The following TNIK variants were observed in gnomAD, a reference collection of about 807,000 sequenced individuals.
TNIK encodes TRAF2 and NCK interacting kinase, also known as TRAF2 and NCK-interacting protein kinase.
Under a neutral mutation model 191.3 loss-of-function variants are expected in TNIK, and 49 were observed. The ratio of observed to expected loss-of-function variants is 0.26; its 90% CI spans 0.20 to 0.32. TNIK has a LOEUF of 0.32. TNIK is among the 10% of genes least tolerant of loss of function. The pLI, the probability that TNIK is intolerant of heterozygous loss-of-function variation, is 1.00. For synonymous variants in TNIK, 594 were observed against 600.9 expected (o/e 0.99, Z 0.17); for missense variants, 1,155 against 1,702.3 (o/e 0.68, Z 5.66).
chr3:171,305,904 A>G (rs1229547417), intron 2 of TNIK, among the ~76,000 whole-genome samples: 2 of 152,162 alleles, frequency 1.3e-5, no homozygotes, highest in Admixed American at 6.6e-5. Flanking sequence ...TACCATAAAG[A>G]CACATGCATG....
intron 15 of TNIK, among the ~76,000 whole-genome samples, chr3:171,130,713 T>G (rs1300936307): frequency 6.6e-6 from 1 of 152,220 alleles, no homozygotes; most frequent in African/African-American, 2.4e-5. Flanking sequence ...TATTATCCAT[T>G]TTCTTATTTT....
intron 29 of TNIK, among the ~76,000 whole-genome samples, chr3:171,070,844 T>A (rs920623584): frequency 3.3e-5 from 5 of 152,232 alleles, no homozygotes; most frequent in African/African-American, 1.2e-4. Context: ...AGTTTAACTC[T>A]GAGATTCAGT....
At chr3:171,315,226 C>T (rs1208177506) in intron 2 of TNIK, among the ~76,000 whole-genome samples, 2 of 152,102 alleles carry the variant, frequency 1.3e-5, no homozygotes, top group East Asian at 3.9e-4. Flanking sequence ...GTGACAAAAA[C>T]ACAGCTTTAT....
chr3:171,140,818 T>C (rs1730718595), intron 12 of TNIK, among the ~76,000 whole-genome samples: 1 of 152,212 alleles, frequency 6.6e-6, no homozygotes. Flanking sequence ...AAAACACCAA[T>C]GCAAAACAGG....
At chr3:171,146,371 C>A (rs1731585253) in intron 12 of TNIK, among the ~76,000 whole-genome samples, 1 of 152,104 alleles carries the variant, frequency 6.6e-6, no homozygotes, top group Non-Finnish European at 1.5e-5. Context: ...AAATCTTGGC[C>A]CTGGTCCATC....
chr3:171,240,722 A>G (rs777972054), intron 2 of TNIK, among the ~76,000 whole-genome samples: 12 of 152,156 alleles, frequency 7.9e-5, no homozygotes, highest in African/African-American at 1.9e-4. Context: ...CTCTTCTCCA[A>G]TAGTCTTTTT....
At chr3:171,156,973 G>A (rs1290369768) in intron 12 of TNIK, among the ~76,000 whole-genome samples, 1 of 152,166 alleles carries the variant, frequency 6.6e-6, no homozygotes, top group African/African-American at 2.4e-5. Context: ...TCATTCCACA[G>A]ATATTTATGA....
intron 7 of TNIK, among the ~76,000 whole-genome samples, chr3:171,184,674 G>C (rs1737137846): frequency 6.6e-6 from 1 of 152,138 alleles, no homozygotes; most frequent in South Asian, 2.1e-4. Flanking sequence ...TCTGAATATT[G>C]TCCTCTCAGG....
chr3:171,459,952 G>A (rs1729271130), intron 1 of TNIK, 55 bp downstream of exon 1: 2 of 1,503,594 alleles, frequency 1.3e-6, no homozygotes, highest in Admixed American at 1.9e-5. Flanking sequence ...CACGCACCGA[G>A]CCCATTCACC....
chr3:171,120,390 G>A (rs1218136976), intron 18 of TNIK, among the ~76,000 whole-genome samples: 1 of 145,390 alleles, frequency 6.9e-6, no homozygotes, highest in African/African-American at 2.6e-5. Context: ...GTGTGATCTC[G>A]GCTCACTGCA....
At chr3:171,112,911 A>T (rs1726065856) in intron 18 of TNIK, among the ~76,000 whole-genome samples, 1 of 152,214 alleles carries the variant, frequency 6.6e-6, no homozygotes, top group South Asian at 2.1e-4. Flanking sequence ...CCCTGTACAC[A>T]AATAGCCAAT....
At chr3:171,160,454 C>A (rs1733845109) in intron 11 of TNIK, among the ~76,000 whole-genome samples, 1 of 151,624 alleles carries the variant, frequency 6.6e-6, no homozygotes, top group Non-Finnish European at 1.5e-5. Flanking sequence ...CCTTGGATGG[C>A]TTGAGGAGGG....
At chr3:171,130,389 T>A (rs1729081329) in intron 15 of TNIK, among the ~76,000 whole-genome samples, 1 of 152,220 alleles carries the variant, frequency 6.6e-6, no homozygotes, top group African/African-American at 2.4e-5. Context: ...ACAATTGGCT[T>A]TGGTTTTGAA....
Position 171,235,459 on chromosome 3 carries a change from CCA to C in TNIK, c.124-7240_124-7239del, listed in dbSNP as rs886133476. Among the ~76,000 whole-genome samples the C allele has an allele frequency of 5.7e-4, 87 of 152,192 alleles. 1 individual carries two copies. The highest frequency in any genetic ancestry group is 1.8e-3 in the African/African-American group (75 of 41,516). ...CAACTCTTCAGCCTCTCCAAATATC[CCA>C]CTCCTCCCCACACAGCACAATAGCC... On this transcript the variant is annotated intron_variant, in intron 2 of 32. Coordinates refer to ENST00000436636, the MANE Select transcript of TNIK (RefSeq NM_015028.4).
chr3:171,202,547 T>A (rs1031161220), intron 4 of TNIK, among the ~76,000 whole-genome samples: 2 of 152,204 alleles, frequency 1.3e-5, no homozygotes, highest in Non-Finnish European at 2.9e-5. Flanking sequence ...GCAAAATAAC[T>A]TTGGGTACAT....
intron 2 of TNIK, among the ~76,000 whole-genome samples, chr3:171,282,932 T>C (rs368421066): frequency 6.6e-6 from 1 of 152,144 alleles, no homozygotes; most frequent in East Asian, 1.9e-4. Context: ...AGCAGAATGA[T>C]GTAGGAGGGC....
At chr3:171,096,542 T>G (rs1722739349) in intron 22 of TNIK, among the ~76,000 whole-genome samples, 1 of 152,168 alleles carries the variant, frequency 6.6e-6, no homozygotes, top group Non-Finnish European at 1.5e-5. Flanking sequence ...TTATAAAAGT[T>G]TCCTATGTAC....
At chr3:171,376,746 TGATAGATA>T (rs3084308) in intron 1 of TNIK, among the ~76,000 whole-genome samples, 5,110 of 148,724 alleles carry the variant, frequency 0.034, 118 homozygotes, top group Middle Eastern at 0.045. Context: ...GATAGATAGA[TGATAGATA>T]GATAGATAGA....
At chr3:171,440,477 A>C (rs1227881656) in intron 1 of TNIK, among the ~76,000 whole-genome samples, 3 of 152,230 alleles carry the variant, frequency 2.0e-5, no homozygotes, top group African/African-American at 7.2e-5. Context: ...TTGTGGGAAC[A>C]AAAGAGCTGA....
Sources: gnomAD v4.1 joint callset for allele counts (sites outside exome capture counted in the v4.1 genomes callset) on GRCh38, gnomAD v4.1.1 for gene constraint, MANE v1.5 for transcripts, NCBI Gene and HGNC (gene_info 2026-07-23, HGNC 2026-07-21) for gene names.